The following DNM3 variants were observed in gnomAD, a reference collection of about 807,000 sequenced individuals.
The protein encoded by DNM3 is dynamin-3.
Under a neutral mutation model 101.6 loss-of-function variants are expected in DNM3, and 47 were observed. The observed-to-expected ratio is 0.46, with a 90% confidence interval of 0.37 to 0.59. DNM3 has a LOEUF of 0.59. Ranked by LOEUF, DNM3 falls within the 20% of genes least tolerant of loss-of-function variation. The pLI, the probability that DNM3 is intolerant of heterozygous loss-of-function variation, is 0.00. For synonymous variants in DNM3, 385 were observed against 387.9 expected (o/e 0.99, Z 0.09); for missense variants, 849 against 1,085.7 (o/e 0.78, Z 3.06).
chr1:172,138,640 G>A (rs2057391963), intron 14 of DNM3: 1 of 211,776 alleles, frequency 4.7e-6, no homozygotes, highest in African/African-American at 2.4e-5. Flanking sequence ...TACTTTTGGT[G>A]GGTTTTAATA....
intron 14 of DNM3, among the ~76,000 whole-genome samples, chr1:172,179,828 T>A (rs1162031343): frequency 2.6e-5 from 4 of 152,036 alleles, no homozygotes; most frequent in African/African-American, 9.7e-5. Context: ...CAGGTGTTAT[T>A]ACTTTTTTAT....
chr1:172,038,978 T>C (rs2125826685), intron 7 of DNM3, among the ~76,000 whole-genome samples: 1 of 152,252 alleles, frequency 6.6e-6, no homozygotes, highest in African/African-American at 2.4e-5. Context: ...ATGTAGTCCT[T>C]TGAAAATGTA....
rs532126865 is a variant in DNM3 at position 171,997,325 on chromosome 1, C to A, written c.589+8177C>A. Among the ~76,000 whole-genome samples, 6 of 152,054 alleles carry A rather than the reference C, an allele frequency of 3.9e-5. No individual in the cohort carries two copies. The South Asian group carries it at 1.2e-3, about 32-fold the overall frequency. On this transcript the variant is annotated intron_variant, in intron 4 of 20. Transcript: ENST00000627582. ...GCAATAAGCATAATTTCAGATTCAT[C>A]TGCAAATGGCTAGATTAACTATAGG... is the stretch of plus-strand genomic sequence containing the variant.
intron 1 of DNM3, among the ~76,000 whole-genome samples, chr1:171,862,788 G>C (rs916573378): frequency 6.6e-6 from 1 of 152,204 alleles, no homozygotes; most frequent in South Asian, 2.1e-4. Context: ...CTTTGAGGGA[G>C]AGTATATGAA....
At chr1:172,355,428 G>A (rs930215241) in intron 17 of DNM3, among the ~76,000 whole-genome samples, 2 of 152,140 alleles carry the variant, frequency 1.3e-5, no homozygotes, top group African/African-American at 4.8e-5. Flanking sequence ...ATGAAGTGCA[G>A]TTATTGAAAT....
chr1:172,300,147 G>A (rs1034226604), intron 15 of DNM3, among the ~76,000 whole-genome samples: 9 of 152,100 alleles, frequency 5.9e-5, no homozygotes, highest in East Asian at 1.9e-4. Context: ...GTAATGTTGA[G>A]CATTTTTTCA....
At chr1:172,053,177 C>T (rs983060948) in intron 10 of DNM3, among the ~76,000 whole-genome samples, 1 of 152,118 alleles carries the variant, frequency 6.6e-6, no homozygotes, top group Non-Finnish European at 1.5e-5. Flanking sequence ...GAATACTTCT[C>T]CAGCTATATC....
At chr1:172,108,064 G>C (rs1036640466) in intron 13 of DNM3, among the ~76,000 whole-genome samples, 1 of 151,736 alleles carries the variant, frequency 6.6e-6, no homozygotes, top group Non-Finnish European at 1.5e-5. Flanking sequence ...CTTAAGTCTC[G>C]GTGTCAAGGT....
intron 14 of DNM3, among the ~76,000 whole-genome samples, chr1:172,169,282 G>A (rs2058862879): frequency 1.3e-5 from 2 of 151,782 alleles, no homozygotes; most frequent in African/African-American, 4.8e-5. Context: ...GCTTGAATGG[G>A]TCAAATACTC....
At chr1:172,304,560 C>A (rs529612758) in intron 15 of DNM3, among the ~76,000 whole-genome samples, 1 of 152,266 alleles carries the variant, frequency 6.6e-6, no homozygotes, top group East Asian at 1.9e-4. Context: ...AACTCTCTAT[C>A]CCAAATCAAG....
downstream of DNM3, chr1:172,412,836 A>C: frequency 3.9e-6 from 3 of 772,574 alleles, no homozygotes; most frequent in Non-Finnish European, 4.7e-6. Flanking sequence ...CAAAGTAAAG[A>C]ATGATAGCAT....
intron 4 of DNM3, among the ~76,000 whole-genome samples, chr1:172,024,260 C>A (rs1024122229): frequency 1.3e-5 from 2 of 152,118 alleles, no homozygotes; most frequent in East Asian, 1.9e-4. Context: ...ATTCAATATC[C>A]TTCAGAGAAT....
intron 15 of DNM3, among the ~76,000 whole-genome samples, chr1:172,262,113 G>T (rs1174778351): frequency 6.6e-6 from 1 of 152,140 alleles, no homozygotes; most frequent in African/African-American, 2.4e-5. Flanking sequence ...CCTTCTACTG[G>T]GAAGCCTATG....
At chr1:172,261,067 C>T (rs1409529685) in intron 15 of DNM3, among the ~76,000 whole-genome samples, 1 of 152,092 alleles carries the variant, frequency 6.6e-6, no homozygotes, top group Non-Finnish European at 1.5e-5. Context: ...CCAACTCAGC[C>T]TCCTGTGTAG....
At chr1:171,850,342 T>C (rs2032781276) in intron 1 of DNM3, among the ~76,000 whole-genome samples, 1 of 152,208 alleles carries the variant, frequency 6.6e-6, no homozygotes, top group African/African-American at 2.4e-5. Flanking sequence ...CTGTTTGGAA[T>C]TACATTATTT....
At chr1:172,216,645 T>G (rs2060709912) in intron 14 of DNM3, among the ~76,000 whole-genome samples, 1 of 152,140 alleles carries the variant, frequency 6.6e-6, no homozygotes, top group Non-Finnish European at 1.5e-5. Flanking sequence ...ATAAATGGAA[T>G]TTAACTCCTT....
At chr1:172,043,994 C>T (rs1220880824) in intron 8 of DNM3, among the ~76,000 whole-genome samples, 3 of 152,202 alleles carry the variant, frequency 2.0e-5, no homozygotes, top group Non-Finnish European at 4.4e-5. Flanking sequence ...TTGTTAATTT[C>T]AGGACATCTG....
At chr1:171,919,444 A>T (rs2039984112) in intron 1 of DNM3, among the ~76,000 whole-genome samples, 1 of 151,800 alleles carries the variant, frequency 6.6e-6, no homozygotes, top group African/African-American at 2.4e-5. Context: ...CCTGAGAATG[A>T]TGGTTTCCAG....
intron 14 of DNM3, among the ~76,000 whole-genome samples, chr1:172,239,577 C>T (rs1370390583): frequency 2.0e-5 from 3 of 152,044 alleles, no homozygotes; most frequent in Non-Finnish European, 2.9e-5. Context: ...TTGTCATTTC[C>T]TCTTGCTGCA....
Sources: allele counts gnomAD v4.1 joint callset (sites outside exome capture counted in the v4.1 genomes callset), GRCh38; gene constraint gnomAD v4.1.1; transcripts MANE v1.5; gene names NCBI Gene and HGNC (gene_info 2026-07-23, HGNC 2026-07-21).